RASSF4: variants seen among roughly 807,000 people sequenced by gnomAD.
The protein encoded by RASSF4 is Ras association domain family member 4, also known as ras association domain-containing protein 4.
A neutral mutation model predicts 41.1 loss-of-function variants in RASSF4; 38 were observed. The observed-to-expected ratio is 0.92, with a 90% CI of 0.71 to 1.21. The LOEUF (loss-of-function observed/expected upper bound fraction) is 1.21, where lower values mean the gene tolerates loss of function less well. Ranked by LOEUF, RASSF4 falls within the 50% of genes most tolerant of loss-of-function variation. RASSF4 has a pLI of 0.00. For synonymous variants in RASSF4, 179 were observed against 163.4 expected (o/e 1.10, Z -0.73); for missense variants, 414 against 419.4 (o/e 0.99, Z 0.11).
chr10:44,979,093 G>A (rs1434833291), intron 3 of RASSF4, among the ~76,000 whole-genome samples: 1 of 152,150 alleles, frequency 6.6e-6, no homozygotes, highest in Non-Finnish European at 1.5e-5. Context: ...GGCCACCCCT[G>A]CCCCAAAGCT....
At chr10:44,986,126 T>A (rs1841911597) in intron 6 of RASSF4, among the ~76,000 whole-genome samples, 1 of 152,200 alleles carries the variant, frequency 6.6e-6, no homozygotes, top group South Asian at 2.1e-4. Flanking sequence ...ATTCAAAAAT[T>A]TTCCAAAATA....
chr10:44,975,460 C>T (rs1421059155), intron 3 of RASSF4, among the ~76,000 whole-genome samples: 1 of 116,326 alleles, frequency 8.6e-6, no homozygotes, highest in Non-Finnish European at 1.8e-5. Context: ...CTCCCCTCTC[C>T]ACCTCCCACC....
At chr10:44,975,631 C>T (rs1841391746) in intron 3 of RASSF4, among the ~76,000 whole-genome samples, 1 of 142,174 alleles carries the variant, frequency 7.0e-6, no homozygotes. Flanking sequence ...AATGTAACTG[C>T]TCTACAAGGG....
chr10:44,975,071 T>A (rs2132776982), intron 3 of RASSF4, among the ~76,000 whole-genome samples: 1 of 152,168 alleles, frequency 6.6e-6, no homozygotes. Context: ...GGGGACTGTG[T>A]GCCGGCCCCG....
rs12246223 is a variant in RASSF4 at position 44,970,379 on chromosome 10, G to A, written c.62+115G>A. On this transcript the variant is annotated intron_variant, in intron 2 of 10. Coordinates refer to ENST00000340258, the MANE Select transcript of RASSF4 (RefSeq NM_032023.4). The stretch of plus-strand genomic sequence containing the variant: ...CACTTGTTCAGAGATCTGATGGGGT[G>A]CCCTGGGGGACAGTGATGGGGTGCT... 7.5e-3 allele frequency: 6,156 copies of A among 825,140 alleles called. 248 individuals are homozygous for A. In the African/African-American group the frequency reaches 0.094, roughly 13 times the overall value. 51.1% of individuals were successfully genotyped at this position (825,140 alleles called of 1,614,324 possible).
chr10:44,977,083 G>A (rs1841464600), intron 3 of RASSF4: 1 of 264,022 alleles, frequency 3.8e-6, no homozygotes, highest in Non-Finnish European at 7.1e-6. Flanking sequence ...GAATGGCCTG[G>A]GAGGCAGGTG....
intron 3 of RASSF4, among the ~76,000 whole-genome samples, chr10:44,974,095 C>T (rs998953658): frequency 1.3e-5 from 2 of 152,214 alleles, no homozygotes; most frequent in Non-Finnish European, 2.9e-5. Flanking sequence ...CACTGATAGG[C>T]ACAACTGGTC....
chr10:44,986,699 C>G (rs932944393), intron 6 of RASSF4, among the ~76,000 whole-genome samples: 3 of 152,182 alleles, frequency 2.0e-5, no homozygotes, highest in Admixed American at 6.5e-5. Context: ...GAACTAATGT[C>G]CTTAGAAATG....
At chr10:44,977,591 GC>G (rs748649419) in intron 3 of RASSF4, 1 of 1,613,314 alleles carries the variant, frequency 6.2e-7, no homozygotes, top group African/African-American at 1.3e-5. Context: ...CCCTCTGGGG[GC>G]CCCCATGGGC....
chr10:44,965,071 C>G (rs979451825), intron 1 of RASSF4, among the ~76,000 whole-genome samples: 4 of 152,208 alleles, frequency 2.6e-5, no homozygotes, highest in African/African-American at 9.6e-5. Flanking sequence ...CACTAAAAAT[C>G]ACAGACATGA....
At chr10:44,993,156 T>G in intron 10 of RASSF4, 113 bp from the exon 11 acceptor site, 1 of 840,970 alleles carries the variant, frequency 1.2e-6, no homozygotes, top group Non-Finnish European at 1.9e-6. Flanking sequence ...AGAGGAGAGA[T>G]GAGGCTGCTG....
intron 3 of RASSF4, chr10:44,976,642 A>T (rs1242867318): frequency 6.6e-6 from 1 of 152,480 alleles, no homozygotes; most frequent in Non-Finnish European, 1.5e-5. Flanking sequence ...ACAGCTGGAC[A>T]GTGCCCTGCT....
intron 3 of RASSF4, chr10:44,982,145 C>T: frequency 6.9e-6 from 2 of 289,178 alleles, no homozygotes; most frequent in Non-Finnish European, 1.3e-5. Flanking sequence ...GACCCCCTCC[C>T]AGGTGCAGTG....
At chr10:44,983,057 T>C (rs1344471309) in intron 4 of RASSF4, 1 of 447,360 alleles carries the variant, frequency 2.2e-6, no homozygotes, top group Non-Finnish European at 4.5e-6. Flanking sequence ...AATGTCAAAA[T>C]TTTAAAAATA....
intron 3 of RASSF4, among the ~76,000 whole-genome samples, chr10:44,974,625 C>T (rs1304455307): frequency 6.6e-6 from 1 of 152,000 alleles, no homozygotes; most frequent in African/African-American, 2.4e-5. Flanking sequence ...GAAAGAGACC[C>T]CCCCGTGTTG....
Position 44,993,439 on chromosome 10 carries a change from C to T in RASSF4, c.*110C>T, listed in dbSNP as rs965154944. On this transcript the variant is annotated 3_prime_UTR_variant, in exon 11 of 11. Coordinates refer to ENST00000340258, the MANE Select transcript of RASSF4 (RefSeq NM_032023.4). ...GACTGATGGCCACCGCCTGACGAAT[C>T]GAGTGCCTGTGTGTCTACCTCTCTG... The T allele has an allele frequency of 4.7e-5, 37 of 791,406 alleles. No individual in the cohort carries two copies. The highest frequency in any genetic ancestry group is 3.2e-4 in the East Asian group (12 of 36,946). The allele number at this position is 791,406 out of a possible 1,614,324, so 49.0% of individuals were successfully genotyped here.
chr10:44,991,593 T>C lies in RASSF4; in HGVS notation c.808-312T>C, dbSNP rs376750674. Among the ~76,000 whole-genome samples the C allele has an allele frequency of 2.2e-4, 34 of 152,336 alleles. No individual in the cohort carries two copies. In the South Asian group the frequency reaches 5.2e-3, roughly 23 times the overall value. On this transcript the variant is annotated intron_variant, in intron 9 of 10. Coordinates refer to ENST00000340258, the MANE Select transcript of RASSF4 (RefSeq NM_032023.4). ...AATTGCATTCCATTGTTAGAAACAATGGTGCTCCCACCTCCCTACCCCCTA... is the reference window on the plus strand; with the variant it reads ...AATTGCATTCCATTGTTAGAAACAACGGTGCTCCCACCTCCCTACCCCCTA...
At chr10:44,980,938 A>G (rs1307134050) in intron 3 of RASSF4, 2 of 152,198 alleles carry the variant, frequency 1.3e-5, no homozygotes, top group Non-Finnish European at 2.9e-5. Context: ...GTGAGTATCA[A>G]AAACAGCTCT....
chr10:44,993,582 C>G lies in RASSF4; in HGVS notation c.*253C>G. On this transcript the variant is annotated 3_prime_UTR_variant, in exon 11 of 11. Coordinates refer to ENST00000340258, the MANE Select transcript of RASSF4 (RefSeq NM_032023.4). ...CTGGGTCAGATCTGTGTGGCCAGCC[C>G]TGTCCACACCATGCCTCTCCTGCAC... is the stretch of plus-strand genomic sequence containing the variant. 1 of 533,952 alleles carries G rather than the reference C, an allele frequency of 1.9e-6. No individual in the cohort carries two copies. The highest frequency in any genetic ancestry group is 3.1e-5 in the East Asian group (1 of 32,642). 33.1% of individuals were successfully genotyped at this position (533,952 alleles called of 1,614,324 possible). A position where few individuals can be genotyped will look rare whatever the true frequency, so the allele number is the denominator to read the frequency against.
Sources: gnomAD v4.1 joint callset for allele counts (sites outside exome capture counted in the v4.1 genomes callset) on GRCh38, gnomAD v4.1.1 for gene constraint, MANE v1.5 for transcripts, NCBI Gene and HGNC (gene_info 2026-07-23, HGNC 2026-07-21) for gene names.